The following HORMAD2 variants were observed in gnomAD, a reference collection of about 807,000 sequenced individuals.
The protein encoded by HORMAD2 is HORMA domain containing 2.
A neutral mutation model predicts 38.8 loss-of-function variants in HORMAD2; 45 were observed. The observed-to-expected ratio is 1.16, with a 90% CI of 0.91 to 1.49. The LOEUF is 1.49. HORMAD2 is among the 40% of genes most tolerant of loss of function. HORMAD2 has a pLI of 0.00. For missense variants in HORMAD2, 338 were observed against 367.0 expected, an observed-to-expected ratio of 0.92 and a Z score of 0.65; for synonymous variants, 126 against 122.8, an observed-to-expected ratio of 1.03 and a Z score of -0.17.
At chr22:30,175,405 A>G (rs371338342) in intron 10 of HORMAD2, among the ~76,000 whole-genome samples, 1 of 148,622 alleles carries the variant, frequency 6.7e-6, no homozygotes, top group Non-Finnish European at 1.5e-5. Flanking sequence ...TAGTGGCTGG[A>G]AAATATATAA....
chr22:30,174,046 T>C (rs1043197767), intron 10 of HORMAD2, among the ~76,000 whole-genome samples: 1 of 152,178 alleles, frequency 6.6e-6, no homozygotes, highest in Admixed American at 6.5e-5. Flanking sequence ...AAGCATATCT[T>C]CAGGGCTTTT....
chr22:30,171,459 A>C (rs1926104269), intron 10 of HORMAD2, among the ~76,000 whole-genome samples: 1 of 152,080 alleles, frequency 6.6e-6, no homozygotes, highest in South Asian at 2.1e-4. Context: ...CATGGTATCC[A>C]ATTGGCCATC....
chr22:30,186,642 T>C, the HORMAD2 span, among the ~76,000 whole-genome samples: 1 of 152,104 alleles, frequency 6.6e-6, no homozygotes, highest in Non-Finnish European at 1.5e-5. Flanking sequence ...CCATTAACAA[T>C]TTCACAATTA....
At chr22:30,174,401 T>C (rs1569122589) in intron 10 of HORMAD2, among the ~76,000 whole-genome samples, 1 of 152,180 alleles carries the variant, frequency 6.6e-6, no homozygotes, top group Non-Finnish European at 1.5e-5. Context: ...AGTGTGTATA[T>C]GTTATTTGTC....
At chr22:30,133,738 A>T (rs879027050) in intron 10 of HORMAD2, among the ~76,000 whole-genome samples, 3 of 152,090 alleles carry the variant, frequency 2.0e-5, no homozygotes, top group Admixed American at 2.0e-4. Flanking sequence ...GTATAACTAC[A>T]TAGCATTTAT....
the HORMAD2 span, among the ~76,000 whole-genome samples, chr22:30,205,722 A>C: frequency 6.6e-6 from 1 of 151,968 alleles, no homozygotes; most frequent in Non-Finnish European, 1.5e-5. Flanking sequence ...GGAGGAGAGG[A>C]ATTTGGCAGG....
intron 10 of HORMAD2, among the ~76,000 whole-genome samples, chr22:30,155,296 A>G (rs1307119099): frequency 2.6e-5 from 4 of 152,162 alleles, no homozygotes; most frequent in African/African-American, 7.2e-5. Flanking sequence ...CTTAGCAACT[A>G]TGTAAGTTAT....
the HORMAD2 span, among the ~76,000 whole-genome samples, chr22:30,202,575 T>C: frequency 6.6e-6 from 1 of 152,134 alleles, no homozygotes; most frequent in East Asian, 1.9e-4. Context: ...AGTCTCAGAT[T>C]CCACTCTCCT....
chr22:30,198,194 A>C, the HORMAD2 span, among the ~76,000 whole-genome samples: 1,596 of 152,294 alleles, frequency 0.01, 29 homozygotes, highest in African/African-American at 0.036. Context: ...AAATAGGAAG[A>C]GTCAAGGATG....
intron 10 of HORMAD2, among the ~76,000 whole-genome samples, chr22:30,174,089 G>A (rs1215213359): frequency 2.6e-5 from 4 of 152,108 alleles, no homozygotes; most frequent in Non-Finnish European, 5.9e-5. Flanking sequence ...CTACTCCTGA[G>A]GCTCTATTGG....
intron 10 of HORMAD2, among the ~76,000 whole-genome samples, chr22:30,139,685 C>T (rs1472485649): frequency 6.6e-6 from 1 of 151,850 alleles, no homozygotes; most frequent in East Asian, 1.9e-4. Flanking sequence ...CTTAGAGAAG[C>T]ATCTAATTTT....
chr22:30,174,124 TTAGTCTGCATCAA>T (rs1926287004), intron 10 of HORMAD2, among the ~76,000 whole-genome samples: 1 of 152,208 alleles, frequency 6.6e-6, no homozygotes, highest in Non-Finnish European at 1.5e-5. Context: ...TAGCGTCTTG[TTAGTCTGCATCAA>T]GAAACACTTA....
chr22:30,157,331 C>G (rs1386025706), intron 10 of HORMAD2, among the ~76,000 whole-genome samples: 1 of 152,200 alleles, frequency 6.6e-6, no homozygotes, highest in African/African-American at 2.4e-5. Context: ...AATATTAATA[C>G]TACTTTATAT....
chr22:30,125,162 G>A (rs1309310144), intron 10 of HORMAD2, among the ~76,000 whole-genome samples: 3 of 119,958 alleles, frequency 2.5e-5, no homozygotes, highest in Non-Finnish European at 5.4e-5. Flanking sequence ...ACTCATTTAT[G>A]TTGCAATATT....
the HORMAD2 span, among the ~76,000 whole-genome samples, chr22:30,182,682 T>C: frequency 1.3e-5 from 2 of 152,194 alleles, no homozygotes; most frequent in African/African-American, 4.8e-5. Flanking sequence ...TCCCAGCTAC[T>C]CAGGAGGCTG....
At chr22:30,164,743 C>T (rs1925672418) in intron 10 of HORMAD2, among the ~76,000 whole-genome samples, 1 of 152,204 alleles carries the variant, frequency 6.6e-6, no homozygotes, top group Non-Finnish European at 1.5e-5. Context: ...ATCCTCCTGC[C>T]TCAGCCTCCT....
At chr22:30,169,812 G>T (rs1926000966) in intron 10 of HORMAD2, among the ~76,000 whole-genome samples, 1 of 152,038 alleles carries the variant, frequency 6.6e-6, no homozygotes, top group Admixed American at 6.6e-5. Flanking sequence ...TTGGTCAATG[G>T]CATTACCACA....
chr22:30,089,598 G>T (rs183205558), intron 1 of HORMAD2, among the ~76,000 whole-genome samples: 1 of 152,084 alleles, frequency 6.6e-6, no homozygotes, highest in Admixed American at 6.5e-5. Context: ...TGATCCACCC[G>T]CCTTGGCCTC....
chr22:30,142,704 C>A (rs889800353), intron 10 of HORMAD2, among the ~76,000 whole-genome samples: 1 of 152,132 alleles, frequency 6.6e-6, no homozygotes, highest in Non-Finnish European at 1.5e-5. Flanking sequence ...TGGTTTATGA[C>A]AGTCATTTTA....
Sources: gnomAD v4.1 joint callset for allele counts (sites outside exome capture counted in the v4.1 genomes callset) on GRCh38, gnomAD v4.1.1 for gene constraint, MANE v1.5 for transcripts, NCBI Gene and HGNC (gene_info 2026-07-23, HGNC 2026-07-21) for gene names.